SORCS1: variants seen among roughly 807,000 people sequenced by gnomAD.
SORCS1 encodes VPS10 domain-containing receptor SorCS1.
SORCS1 carries 60 observed loss-of-function variants against 146.1 expected under a neutral mutation model. The ratio of observed to expected loss-of-function variants is 0.41; its 90% CI spans 0.33 to 0.51. The LOEUF (loss-of-function observed/expected upper bound fraction) is 0.51, where lower values mean the gene tolerates loss of function less well. SORCS1 is among the 20% of genes least tolerant of loss of function. SORCS1 has a pLI of 0.21. For missense variants in SORCS1, 1,352 were observed against 1,487.6 expected (o/e 0.91, Z 1.50); for synonymous variants, 637 against 584.0 (o/e 1.09, Z -1.31).
At chr10:106,823,080 G>A (rs148458276) in intron 3 of SORCS1, among the ~76,000 whole-genome samples, 294 of 152,204 alleles carry the variant, frequency 1.9e-3, no homozygotes, top group Non-Finnish European at 3.7e-3. Context: ...ACCGCACCTG[G>A]ACCATTTCTT....
At chr10:106,934,414 A>G (rs113549524) in intron 2 of SORCS1, among the ~76,000 whole-genome samples, 11,660 of 151,164 alleles carry the variant, frequency 0.077, 1,281 homozygotes, top group African/African-American at 0.24. Flanking sequence ...CCACCACCAC[A>G]CCCGGCTAAT....
chr10:106,709,359 A>C lies in SORCS1; in HGVS notation c.1025-18T>G, dbSNP rs374332363. On this transcript the variant is annotated intron_variant, in intron 6 of 25. Transcript: ENST00000263054. The stretch of plus-strand genomic sequence containing the variant: ...ATGTGAATCTGAAAAACAAAAACAA[A>C]AACAAAAACATGGGGTTGAGGGGGA... The C allele has an allele frequency of 1.0e-4, 162 of 1,546,698 alleles. No homozygotes were observed. Among genetic ancestry groups the C allele is most frequent in the Middle Eastern group, 8.4e-4 (5 of 5,932 alleles).
intron 17 of SORCS1, 140 bp downstream of exon 17, chr10:106,667,549 T>C (rs1851257169): frequency 3.4e-6 from 2 of 584,118 alleles, no homozygotes; most frequent in East Asian, 5.6e-5. Context: ...TTGTGCTTCA[T>C]TGTTAAAATG....
intron 3 of SORCS1, among the ~76,000 whole-genome samples, chr10:106,793,571 G>A (rs969212728): frequency 6.6e-6 from 1 of 152,110 alleles, no homozygotes; most frequent in African/African-American, 2.4e-5. Flanking sequence ...ACAAGAGAAT[G>A]GGGGGCAGGA....
intron 1 of SORCS1, among the ~76,000 whole-genome samples, chr10:106,980,800 T>C (rs982706601): frequency 1.3e-5 from 2 of 152,244 alleles, no homozygotes; most frequent in African/African-American, 4.8e-5. Context: ...TTTTCTAAGC[T>C]TTATAGATTG....
intron 3 of SORCS1, among the ~76,000 whole-genome samples, chr10:106,801,696 A>AT (rs534689813): frequency 8.8e-4 from 133 of 151,810 alleles, no homozygotes; most frequent in African/African-American, 3.1e-3. Flanking sequence ...CGCCCGGCTA[A>AT]TTTTTTTGTA....
chr10:106,839,812 G>A (rs1424921658), intron 2 of SORCS1, among the ~76,000 whole-genome samples: 2 of 152,180 alleles, frequency 1.3e-5, no homozygotes, highest in Middle Eastern at 3.2e-3. Context: ...AAATCCTGGA[G>A]TCCATAAGAA....
intron 9 of SORCS1, among the ~76,000 whole-genome samples, chr10:106,697,499 A>G (rs1853795637): frequency 6.6e-6 from 1 of 152,296 alleles, no homozygotes; most frequent in African/African-American, 2.4e-5. Flanking sequence ...CTTGGTATAA[A>G]GAATGTCACG....
chr10:106,919,306 A>G (rs544959320), intron 2 of SORCS1, among the ~76,000 whole-genome samples: 1 of 152,302 alleles, frequency 6.6e-6, no homozygotes, highest in Admixed American at 6.5e-5. Context: ...TCTGATTTTA[A>G]ACCATATGGG....
rs148038359 is a variant in SORCS1 at position 106,994,691 on chromosome 10, T to C, written c.559-38111A>G. On this transcript the variant is annotated intron_variant, in intron 1 of 25. Coordinates refer to ENST00000263054, the MANE Select transcript of SORCS1 (RefSeq NM_052918.5). ...TTAAATTTTGCTGGCAAACGTGCTA[T>C]TTAGCATTACTTGAATGTGAAAATA... 2.1e-3 allele frequency among the ~76,000 whole-genome samples: 320 copies of C among 152,324 alleles called. 2 individuals are homozygous for C. Among genetic ancestry groups the C allele is most frequent in the African/African-American group, 7.2e-3 (298 of 41,566 alleles).
At chr10:106,849,218 T>A (rs1451182747) in intron 2 of SORCS1, among the ~76,000 whole-genome samples, 1 of 151,026 alleles carries the variant, frequency 6.6e-6, no homozygotes, top group Non-Finnish European at 1.5e-5. Context: ...CACTTTCAGG[T>A]ACACCAATCA....
At chr10:106,908,308 G>A (rs546534753) in intron 2 of SORCS1, among the ~76,000 whole-genome samples, 44 of 152,206 alleles carry the variant, frequency 2.9e-4, no homozygotes, top group Admixed American at 2.7e-3. Context: ...TCTTAAATAC[G>A]GGTTAGGAGT....
upstream of SORCS1, among the ~76,000 whole-genome samples, chr10:107,166,204 T>C (rs1042423073): frequency 1.2e-4 from 18 of 152,228 alleles, no homozygotes; most frequent in Admixed American, 5.2e-4. Flanking sequence ...TTGTTCATTT[T>C]CATACTAGAA....
chr10:106,899,702 T>A (rs1951626838), intron 2 of SORCS1, among the ~76,000 whole-genome samples: 1 of 150,342 alleles, frequency 6.7e-6, no homozygotes, highest in South Asian at 2.1e-4. Context: ...CCCTCGAAGA[T>A]CTTTCTGTGT....
intron 18 of SORCS1, among the ~76,000 whole-genome samples, chr10:106,642,936 C>A (rs1346037945): frequency 6.6e-6 from 1 of 152,230 alleles, no homozygotes; most frequent in Non-Finnish European, 1.5e-5. Context: ...ACAGGCCAAA[C>A]TGGCTTTGGT....
chr10:106,931,146 CCTT>C (rs1336858738), intron 2 of SORCS1, among the ~76,000 whole-genome samples: 1 of 152,152 alleles, frequency 6.6e-6, no homozygotes, highest in Non-Finnish European at 1.5e-5. Flanking sequence ...CTTGCCCTAC[CCTT>C]CTTCTCCTAG....
chr10:106,662,908 A>C (rs1287180603), intron 17 of SORCS1, among the ~76,000 whole-genome samples: 1 of 152,196 alleles, frequency 6.6e-6, no homozygotes, highest in Non-Finnish European at 1.5e-5. Flanking sequence ...CATGAGCAGG[A>C]AGCCAGTGTT....
intron 1 of SORCS1, among the ~76,000 whole-genome samples, chr10:107,033,290 C>T (rs1958750823): frequency 6.6e-6 from 1 of 152,172 alleles, no homozygotes; most frequent in South Asian, 2.1e-4. Flanking sequence ...ATCCAATCAC[C>T]TCCCATCAGG....
rs1020544719 is a variant in SORCS1, at chr10:107,060,775, C to G, written c.558+103194G>C. Among the ~76,000 whole-genome samples the G allele has an allele frequency of 6.6e-6, 1 of 152,010 alleles. No homozygotes were observed. Among genetic ancestry groups the G allele is most frequent in the African/African-American group, 2.4e-5 (1 of 41,382 alleles). The stretch of plus-strand genomic sequence containing the variant: ...ACTAAATGTGACTCATTTAGCACTT[C>G]CTTTATTATCTCATACCGTGTCTTT... On this transcript the variant is annotated intron_variant, in intron 1 of 25. Coordinates refer to ENST00000263054, the MANE Select transcript of SORCS1 (RefSeq NM_052918.5). This position sits in a 1 kb window ranked among gnomAD's most constrained non-coding sequence, Gnocchi z 4.1.
Sources: gnomAD v4.1 joint callset for allele counts (sites outside exome capture counted in the v4.1 genomes callset) on GRCh38, gnomAD v4.1.1 for gene constraint, Gnocchi (gnomAD v3.1) non-coding constraint, MANE v1.5 for transcripts, NCBI Gene and HGNC (gene_info 2026-07-23, HGNC 2026-07-21) for gene names.